ANKRD12: variants seen among roughly 807,000 people sequenced by gnomAD.
The protein encoded by ANKRD12 is ankyrin repeat domain-containing protein 12.
A neutral mutation model predicts 183.4 loss-of-function variants in ANKRD12; 85 were observed. The observed-to-expected ratio is 0.46, with a 90% CI of 0.39 to 0.56. The LOEUF (loss-of-function observed/expected upper bound fraction) is 0.56, where lower values mean the gene tolerates loss of function less well. Ranked by LOEUF, ANKRD12 falls within the 20% of genes least tolerant of loss-of-function variation. ANKRD12 has a pLI of 0.00. For missense variants in ANKRD12, 2,405 were observed against 2,357.1 expected (o/e 1.02, Z -0.42); for synonymous variants, 914 against 800.2 (o/e 1.14, Z -2.40).
chr18:9,254,921 G>T lies in ANKRD12; in HGVS notation c.1654G>T (p.Glu552Ter). 6.3e-7 allele frequency: 1 copy of T among 1,576,140 alleles called. No individual in the cohort carries two copies. The highest frequency in any genetic ancestry group is 1.2e-5 in the South Asian group (1 of 83,984). ...TCCCAAACATTCTTGTGGATTAAGT[G>T]AAAAACAGTCAACACCACTAAAACA... ...KSPKHSCGLS[E>*]KQSTPLKQEH... The change falls in exon 9 of 13, where the codon GAA (glutamate) becomes TAA (stop). Residue 552 changes from glutamate (E) to a stop codon, truncating the protein, a stop_gained. Transcript: ENST00000262126. LOFTEE classifies it high-confidence loss of function.
At position 9,257,550 on chromosome 18, in the gene ANKRD12, C is replaced by T. The variant is rs1231260387; in HGVS notation, c.4283C>T (p.Thr1428Ile). 6 of 1,614,114 alleles carry T rather than the reference C, an allele frequency of 3.7e-6. No homozygotes were observed. Among genetic ancestry groups the T allele is most frequent in the Admixed American group, 1.7e-5 (1 of 60,014 alleles). ...GAGATGCCTGTTGATAGACTAGAGA[C>T]ATTAAGCACCAGAGACTTTATCTGC... is the stretch of plus-strand genomic sequence containing the variant. ...SWEMPVDRLE[T>I]LSTRDFICPN... Residue 1428 changes from threonine to isoleucine, a missense_variant, in exon 9 of 13, where the codon ACA (threonine) becomes ATA (isoleucine). This residue lies in a region of ANKRD12 where 1,983 missense variants were observed against 1,725.9 expected (regional missense o/e 1.15). Coordinates refer to ENST00000262126, the MANE Select transcript of ANKRD12 (RefSeq NM_015208.5).
chr18:9,235,666 C>G (rs1489484273), intron 8 of ANKRD12: 2 of 456,130 alleles, frequency 4.4e-6, no homozygotes, highest in Admixed American at 2.3e-5. Context: ...CAGGAAATGC[C>G]AAGCTCAGCG....
chr18:9,239,590 A>G, intron 8 of ANKRD12: 1 of 1,166,502 alleles, frequency 8.6e-7, no homozygotes, highest in Non-Finnish European at 1.1e-6. Flanking sequence ...GAGTTGCTGA[A>G]AAAGACTGAT....
At chr18:9,219,882 A>C (rs1465587557) in intron 7 of ANKRD12, among the ~76,000 whole-genome samples, 3 of 152,180 alleles carry the variant, frequency 2.0e-5, no homozygotes, top group Non-Finnish European at 2.9e-5. Flanking sequence ...AGTCTTACAC[A>C]GCCCAGTAAT....
chr18:9,182,204 T>A (rs2033743657), intron 1 of ANKRD12, among the ~76,000 whole-genome samples, 178 bp from the exon 2 acceptor site: 1 of 152,252 alleles, frequency 6.6e-6, no homozygotes, highest in Non-Finnish European at 1.5e-5. Flanking sequence ...AAAGTAATTC[T>A]CTTTTCTTTT....
At chr18:9,247,686 T>C (rs2038044238) in intron 8 of ANKRD12, among the ~76,000 whole-genome samples, 1 of 152,210 alleles carries the variant, frequency 6.6e-6, no homozygotes, top group Non-Finnish European at 1.5e-5. Flanking sequence ...TTTCCTATGT[T>C]CTTGGAATTT....
At chr18:9,214,180 A>T (rs758952890) in intron 6 of ANKRD12, among the ~76,000 whole-genome samples, 1 of 152,136 alleles carries the variant, frequency 6.6e-6, no homozygotes, top group Non-Finnish European at 1.5e-5. Flanking sequence ...TAAATACATT[A>T]TAAGTGCATA....
intron 7 of ANKRD12, among the ~76,000 whole-genome samples, chr18:9,221,524 A>G (rs1179158107): frequency 6.6e-6 from 1 of 152,232 alleles, no homozygotes; most frequent in African/African-American, 2.4e-5. Flanking sequence ...GTTTATTAGC[A>G]GAACTCGGAA....
At chr18:9,182,942 T>G (rs1278421899) in intron 2 of ANKRD12, among the ~76,000 whole-genome samples, 1 of 152,216 alleles carries the variant, frequency 6.6e-6, no homozygotes, top group Non-Finnish European at 1.5e-5. Flanking sequence ...TTATACATTG[T>G]CTTTGAATTT....
At chr18:9,275,376 G>C (rs1310952044) in intron 10 of ANKRD12, 148 bp from the exon 11 acceptor site, 3 of 515,226 alleles carry the variant, frequency 5.8e-6, no homozygotes, top group Non-Finnish European at 1.0e-5. Context: ...CGGAGGCTGA[G>C]GTGGGAGGAT....
At chr18:9,182,715 A>G (rs1598478506) in intron 2 of ANKRD12, among the ~76,000 whole-genome samples, 196 bp downstream of exon 2, 1 of 152,196 alleles carries the variant, frequency 6.6e-6, no homozygotes, top group Admixed American at 6.5e-5. Flanking sequence ...ACACACAACT[A>G]CTAAGTAAAA....
intron 3 of ANKRD12, among the ~76,000 whole-genome samples, chr18:9,197,400 G>A (rs1275686963): frequency 6.6e-6 from 1 of 152,136 alleles, no homozygotes; most frequent in Non-Finnish European, 1.5e-5. Context: ...AAATTTTGAT[G>A]GATTTAAAAC....
chr18:9,220,350 G>C (rs1223296458), intron 7 of ANKRD12, among the ~76,000 whole-genome samples: 1 of 152,160 alleles, frequency 6.6e-6, no homozygotes, highest in Non-Finnish European at 1.5e-5. Context: ...TATAGTCCAA[G>C]GGGGGAAATG....
intron 7 of ANKRD12, among the ~76,000 whole-genome samples, chr18:9,220,760 A>T (rs898199015): frequency 3.3e-5 from 5 of 152,204 alleles, no homozygotes; most frequent in Non-Finnish European, 7.3e-5. Flanking sequence ...GAATGGATGG[A>T]TCGCATAATT....
intron 8 of ANKRD12, among the ~76,000 whole-genome samples, chr18:9,231,045 A>G (rs1265899451): frequency 6.6e-6 from 1 of 151,846 alleles, no homozygotes; most frequent in Non-Finnish European, 1.5e-5. Context: ...TCATGAGCAT[A>G]TTGTTTAATT....
At chr18:9,143,566 T>G (rs1361376273) in intron 1 of ANKRD12, among the ~76,000 whole-genome samples, 2 of 152,196 alleles carry the variant, frequency 1.3e-5, no homozygotes, top group African/African-American at 4.8e-5. Flanking sequence ...TTTCAAGCGA[T>G]TCTCCTGCCC....
rs542186028 is a variant in ANKRD12 at position 9,269,907 on chromosome 18, C to G, written c.5764-5617C>G. 5.9e-5 allele frequency among the ~76,000 whole-genome samples: 9 copies of G among 152,310 alleles called. No individual in the cohort carries two copies. In the East Asian group the frequency reaches 1.7e-3, roughly 29 times the overall value. On this transcript the variant is annotated intron_variant, in intron 10 of 12. Coordinates refer to ENST00000262126, the MANE Select transcript of ANKRD12 (RefSeq NM_015208.5). ...GCTAATACCCAGAATCTACAATGAA[C>G]TCAAACAGATTTACAAGAAAAAACC...
At chr18:9,147,061 G>A (rs561687140) in intron 1 of ANKRD12, among the ~76,000 whole-genome samples, 52 of 152,278 alleles carry the variant, frequency 3.4e-4, no homozygotes, top group Middle Eastern at 3.4e-3. Context: ...CTGTCTTGTA[G>A]GGACACAACT....
intron 8 of ANKRD12, among the ~76,000 whole-genome samples, chr18:9,222,792 A>G (rs1023817997): frequency 3.9e-5 from 6 of 152,204 alleles, no homozygotes; most frequent in African/African-American, 1.4e-4. Context: ...CATGTAATAT[A>G]GTTAAATTAT....
Sources: gnomAD v4.1 joint callset for allele counts (sites outside exome capture counted in the v4.1 genomes callset) on GRCh38, gnomAD v4.1.1 for gene constraint, gnomAD v4.1.1 regional missense constraint, MANE v1.5 for transcripts, NCBI Gene and HGNC (gene_info 2026-07-23, HGNC 2026-07-21) for gene names.